TTC27: variants seen among roughly 807,000 people sequenced by gnomAD.
The protein encoded by TTC27 is tetratricopeptide repeat domain 27.
A neutral mutation model predicts 115.9 loss-of-function variants in TTC27; 79 were observed. The ratio of observed to expected loss-of-function variants is 0.68; its 90% confidence interval spans 0.57 to 0.82. TTC27 has a LOEUF of 0.82. TTC27 is among the 40% of genes least tolerant of loss of function. The probability of loss-of-function intolerance (pLI) is 0.00; values close to 1 mark genes in which losing one functional copy is unlikely to be tolerated. For synonymous variants in TTC27, 401 were observed against 356.0 expected, an observed-to-expected ratio of 1.13 and a Z score of -1.42; for missense variants, 1,054 against 993.1, an observed-to-expected ratio of 1.06 and a Z score of -0.82.
chr2:32,743,745 G>A (rs1273400283), intron 12 of TTC27, among the ~76,000 whole-genome samples: 1 of 152,034 alleles, frequency 6.6e-6, no homozygotes, highest in Non-Finnish European at 1.5e-5. Flanking sequence ...TGGTTAGAAG[G>A]GCATGTGAAA....
intron 10 of TTC27, among the ~76,000 whole-genome samples, chr2:32,719,989 G>A (rs1187201025): frequency 6.6e-6 from 1 of 152,178 alleles, no homozygotes; most frequent in East Asian, 1.9e-4. Context: ...CAGAAGTCTA[G>A]TTTTATCCTA....
At chr2:32,801,512 C>A (rs139359236) in intron 16 of TTC27, among the ~76,000 whole-genome samples, 90 of 152,296 alleles carry the variant, frequency 5.9e-4, no homozygotes, top group African/African-American at 2.0e-3. Flanking sequence ...CAGAATGACA[C>A]CTCATCTTAA....
chr2:32,812,300 A>G (rs566545150), intron 17 of TTC27, among the ~76,000 whole-genome samples: 25 of 152,212 alleles, frequency 1.6e-4, no homozygotes, highest in Non-Finnish European at 2.8e-4. Flanking sequence ...CAATCCAGGT[A>G]CATCCATTTG....
chr2:32,688,515 C>T (rs565848510), intron 9 of TTC27, among the ~76,000 whole-genome samples: 24 of 152,166 alleles, frequency 1.6e-4, no homozygotes, highest in Non-Finnish European at 2.2e-4. Context: ...AATATTTACA[C>T]GGCATGTATC....
intron 10 of TTC27, among the ~76,000 whole-genome samples, chr2:32,709,584 G>T (rs373134837): frequency 1.3e-5 from 2 of 152,166 alleles, no homozygotes; most frequent in East Asian, 1.9e-4. Context: ...CGAGGTGTTG[G>T]CTCAGTAGAG....
intron 16 of TTC27, among the ~76,000 whole-genome samples, chr2:32,787,533 T>A (rs767685060): frequency 3.3e-5 from 5 of 152,208 alleles, no homozygotes; most frequent in Non-Finnish European, 7.3e-5. Context: ...TAACAAGCAT[T>A]TACTGCATAC....
chr2:32,725,913 G>T (rs1414505694), intron 10 of TTC27, among the ~76,000 whole-genome samples: 1 of 144,702 alleles, frequency 6.9e-6, no homozygotes, highest in African/African-American at 2.5e-5. Flanking sequence ...TCTGTGCCCT[G>T]ACAGGCTCAA....
chr2:32,695,694 G>C (rs1666959789), intron 9 of TTC27, among the ~76,000 whole-genome samples: 1 of 135,258 alleles, frequency 7.4e-6, no homozygotes, highest in South Asian at 2.5e-4. Context: ...ACTCCAGCCT[G>C]GGTGACAGAG....
intron 4 of TTC27, among the ~76,000 whole-genome samples, chr2:32,642,632 A>G (rs1327889775): frequency 6.6e-6 from 1 of 151,826 alleles, no homozygotes; most frequent in African/African-American, 2.4e-5. Context: ...AGGATTTGGA[A>G]GCCATTGTAC....
chr2:32,762,910 G>A (rs554100557), intron 13 of TTC27, among the ~76,000 whole-genome samples: 2 of 152,302 alleles, frequency 1.3e-5, no homozygotes, highest in East Asian at 3.9e-4. Context: ...AAAGTGCTGG[G>A]ATTACAGGCG....
intron 9 of TTC27, among the ~76,000 whole-genome samples, chr2:32,701,767 C>G (rs1410398007): frequency 6.6e-6 from 1 of 152,022 alleles, no homozygotes; most frequent in African/African-American, 2.4e-5. Flanking sequence ...GTTGGCTACG[C>G]TTGAGAATTA....
At chr2:32,751,788 G>T (rs1036771710) in intron 12 of TTC27, among the ~76,000 whole-genome samples, 2 of 152,154 alleles carry the variant, frequency 1.3e-5, no homozygotes, top group Admixed American at 6.5e-5. Context: ...TTCCTGAATG[G>T]TATTGGCTTC....
chr2:32,761,571 C>T (rs930620136), intron 13 of TTC27, among the ~76,000 whole-genome samples: 1 of 152,126 alleles, frequency 6.6e-6, no homozygotes, highest in African/African-American at 2.4e-5. Flanking sequence ...ACATTGCCCT[C>T]CTTGTTCTCT....
At chr2:32,784,422 C>A (rs1670282916) in intron 15 of TTC27, among the ~76,000 whole-genome samples, 1 of 152,172 alleles carries the variant, frequency 6.6e-6, no homozygotes, top group Non-Finnish European at 1.5e-5. Context: ...ATTATTAATG[C>A]TTCTCTCAGA....
intron 10 of TTC27, among the ~76,000 whole-genome samples, chr2:32,703,197 G>C (rs545431609): frequency 2.0e-5 from 3 of 152,312 alleles, no homozygotes; most frequent in African/African-American, 4.8e-5. Context: ...GGCTGGGCGC[G>C]GTGGCTCACG....
intron 10 of TTC27, among the ~76,000 whole-genome samples, chr2:32,728,411 C>T (rs1668183711): frequency 6.6e-6 from 1 of 152,030 alleles, no homozygotes; most frequent in South Asian, 2.1e-4. Flanking sequence ...TCCCATCTCC[C>T]ATTAGTAGAC....
chr2:32,690,758 A>G (rs1029922033), intron 9 of TTC27, among the ~76,000 whole-genome samples: 3 of 152,198 alleles, frequency 2.0e-5, no homozygotes, highest in African/African-American at 7.2e-5. Flanking sequence ...TTCCACTTCT[A>G]CTGGGAATTA....
At chr2:32,779,829 A>G (rs779777726) in intron 14 of TTC27, among the ~76,000 whole-genome samples, 2 of 150,528 alleles carry the variant, frequency 1.3e-5, no homozygotes, top group African/African-American at 2.4e-5. Context: ...TATTTATGAT[A>G]TAAGGAAGGG....
rs1454826952 is a variant in TTC27 at position 32,723,728 on chromosome 2, C to CTCCCTCCGTCCT, written c.1234-10097_1234-10096insCTCCGTCCTTCC. On this transcript the variant is annotated intron_variant, in intron 10 of 19. Transcript: ENST00000317907. ...CCTCCCTCCCTCCCTCCCTCCCTCC[C>CTCCCTCCGTCCT]TCCTTCCTTCCTTCCTTCCTTCCTT... Among the ~76,000 whole-genome samples, 39 of 29,526 alleles carry CTCCCTCCGTCCT rather than the reference C, an allele frequency of 1.3e-3. 1 individual carries two copies. The highest frequency in any genetic ancestry group is 6.3e-3 in the African/African-American group (37 of 5,834). The allele number at this position is 29,526 out of a possible 152,430, so 19.4% of individuals were successfully genotyped here. A position where few individuals can be genotyped will look rare whatever the true frequency, so the allele number is the denominator to read the frequency against.
Sources: allele counts gnomAD v4.1 joint callset (sites outside exome capture counted in the v4.1 genomes callset), GRCh38; gene constraint gnomAD v4.1.1; transcripts MANE v1.5; gene names NCBI Gene and HGNC (gene_info 2026-07-23, HGNC 2026-07-21).